Variants in ZNF217 observed in about 807,000 individuals in gnomAD.
ZNF217 encodes the protein zinc finger protein 217.
ZNF217 carries 12 observed loss-of-function variants against 73.3 expected under a neutral mutation model. The ratio of observed to expected loss-of-function variants is 0.16; its 90% CI spans 0.10 to 0.27. The LOEUF is 0.27. Among genes scored for constraint, ZNF217 ranks in the 10% least tolerant of loss-of-function variants. The probability of loss-of-function intolerance (pLI) is 1.00; values close to 1 mark genes in which losing one functional copy is unlikely to be tolerated. For synonymous variants in ZNF217, 588 were observed against 516.4 expected (o/e 1.14, Z -1.88); for missense variants, 1,195 against 1,327.8 (o/e 0.90, Z 1.55).
upstream of ZNF217, among the ~76,000 whole-genome samples, chr20:53,595,441 C>T (rs1467360843): frequency 6.6e-6 from 1 of 152,174 alleles, no homozygotes; most frequent in East Asian, 1.9e-4. Context: ...CGATCCGGAG[C>T]TGGTGAGCAA....
Position 53,581,385 on chromosome 20 carries a change from T to C in ZNF217, c.1366+76A>G, listed in dbSNP as rs1050318235. 2.9e-5 allele frequency: 44 copies of C among 1,509,622 alleles called. No individual in the cohort carries two copies. Among genetic ancestry groups the C allele is most frequent in the Non-Finnish European group, 3.9e-5 (44 of 1,133,322 alleles). 93.5% of individuals were successfully genotyped at this position (1,509,622 alleles called of 1,614,324 possible). ...ATTCCTGGCCAGCGTTGTCTGGAGA[T>C]GGGAATAGAGAGGGGGAGACGGGGA... On this transcript the variant is annotated intron_variant, in intron 2 of 5. Coordinates refer to ENST00000371471, the MANE Select transcript of ZNF217 (RefSeq NM_006526.3). This position sits in a 1 kb window ranked among gnomAD's most constrained non-coding sequence, Gnocchi z 4.9.
rs745996810 is a variant in ZNF217, at chr20:53,571,859, TG to T, written c.3038-7del. ...ATATGACACAGGCCTTTTTCCTGATTGAAAAAAAAAACATATTTAGAGTTAA... is the reference window on the plus strand; with the variant it reads ...ATATGACACAGGCCTTTTTCCTGATTAAAAAAAAAACATATTTAGAGTTAA... On this transcript the variant is annotated splice_polypyrimidine_tract_variant and splice_region_variant and intron_variant, in intron 4 of 5. Coordinates refer to ENST00000371471, the MANE Select transcript of ZNF217 (RefSeq NM_006526.3). 3 of 1,574,792 alleles carry T rather than the reference TG, an allele frequency of 1.9e-6. No homozygotes were observed. The highest frequency in any genetic ancestry group is 4.5e-5 in the East Asian group (2 of 44,254).
intron 5 of ZNF217, chr20:53,570,319 C>T (rs536166493): frequency 1.3e-5 from 2 of 152,864 alleles, no homozygotes; most frequent in East Asian, 1.9e-4. Flanking sequence ...CCAGGGAGAA[C>T]GTCATCTCAG....
chr20:53,592,808 C>G (rs1417623359), intron 1 of ZNF217, among the ~76,000 whole-genome samples: 1 of 149,762 alleles, frequency 6.7e-6, no homozygotes, highest in Admixed American at 6.6e-5. Flanking sequence ...GGTTTCACCA[C>G]TCGGCACCTC....
chr20:53,585,095 G>GAAAAAA (rs748460021), intron 1 of ZNF217, among the ~76,000 whole-genome samples: 6 of 46,952 alleles, frequency 1.3e-4, no homozygotes, highest in Non-Finnish European at 2.0e-4. Context: ...GTGAGAATTT[G>GAAAAAA]AAAAAAAAAA....
chr20:53,585,121 AAGTT>A (rs1279169472), intron 1 of ZNF217, among the ~76,000 whole-genome samples: 95 of 146,514 alleles, frequency 6.5e-4, no homozygotes, highest in East Asian at 2.2e-3. Flanking sequence ...AAAAAAAACT[AAGTT>A]AGTCCCTATG....
At position 53,571,825 on chromosome 20, in the gene ZNF217, T is replaced by C; in HGVS notation, c.3066A>G (p.Leu1022=). The change falls in exon 5 of 6, where the codon TTA becomes TTG. Residue 1022 remains leucine (L), a synonymous_variant. Coordinates refer to ENST00000371471, the MANE Select transcript of ZNF217 (RefSeq NM_006526.3). ...EGKRPVSYQH[L]SNSMAQKRNY... is the part of the protein sequence containing the mutation. ...TTCTCTTTTGTGCCATGCTGTTAGA[T>C]AAGTGTTGATATGACACAGGCCTTT... The C allele has an allele frequency of 6.2e-7, 1 of 1,612,222 alleles. No homozygotes were observed. The highest frequency in any genetic ancestry group is 8.5e-7 in the Non-Finnish European group (1 of 1,179,410).
At chr20:53,584,131 G>C (rs1988608045) in intron 1 of ZNF217, among the ~76,000 whole-genome samples, 1 of 152,076 alleles carries the variant, frequency 6.6e-6, no homozygotes, top group Non-Finnish European at 1.5e-5. Context: ...TTCACTCCTG[G>C]AGAAGAATTA....
At chr20:53,571,934 CA>C in intron 4 of ZNF217, 81 bp from the exon 5 acceptor site, 1 of 1,424,006 alleles carries the variant, frequency 7.0e-7, no homozygotes, top group Non-Finnish European at 9.3e-7. Flanking sequence ...AGTCAATTTT[CA>C]AAATTTCTGA....
chr20:53,592,173 C>T (rs759054408), intron 1 of ZNF217, among the ~76,000 whole-genome samples: 1 of 152,198 alleles, frequency 6.6e-6, no homozygotes, highest in African/African-American at 2.4e-5. Context: ...AAAAACCTAG[C>T]TACGCTGTAG....
intron 1 of ZNF217, among the ~76,000 whole-genome samples, chr20:53,588,742 T>C (rs981983583): frequency 5.3e-5 from 8 of 152,166 alleles, no homozygotes; most frequent in African/African-American, 1.9e-4. Flanking sequence ...GCTTAGGCAA[T>C]GCCTTTTAAG....
upstream of ZNF217, among the ~76,000 whole-genome samples, chr20:53,593,990 G>C (rs1287889025): frequency 6.6e-6 from 1 of 151,660 alleles, no homozygotes; most frequent in Non-Finnish European, 1.5e-5. Flanking sequence ...CGCGGGCGAG[G>C]GGTGCAGCCA....
Position 53,581,795 on chromosome 20 carries a change from G to C in ZNF217, c.1032C>G (p.Leu344=), listed in dbSNP as rs777362575. ...GTTTGCACTTCTCTTTCTCTTGCGAGAGGCCTGCACAACTGCCCTTATTTG... is the reference window on the plus strand; with the variant it reads ...GTTTGCACTTCTCTTTCTCTTGCGACAGGCCTGCACAACTGCCCTTATTTG... ...GETNKGSCAG[L]SQEKEKCKHS... is the part of the protein sequence containing the mutation. Residue 344 remains leucine, a synonymous_variant, in exon 2 of 6, where the codon CTC becomes CTG. Coordinates refer to ENST00000371471, the MANE Select transcript of ZNF217 (RefSeq NM_006526.3). This position sits in a 1 kb window ranked among gnomAD's most constrained non-coding sequence, Gnocchi z 4.9. The C allele has an allele frequency of 1.6e-5, 26 of 1,614,114 alleles. No homozygotes were observed. In the African/African-American group the frequency reaches 2.1e-4, roughly 13 times the overall value.
At chr20:53,577,410 C>CTCA (rs1424591567) in intron 3 of ZNF217, 130 bp from the exon 4 acceptor site, 1 of 799,786 alleles carries the variant, frequency 1.3e-6, no homozygotes, top group Non-Finnish European at 1.9e-6. Context: ...CATAGGATTT[C>CTCA]TCATCAGTTC....
intron 4 of ZNF217, chr20:53,574,255 ACT>A (rs1295912380): frequency 3.9e-5 from 6 of 152,170 alleles, no homozygotes; most frequent in African/African-American, 9.7e-5. Context: ...GGTTGAATCC[ACT>A]GAGGCAGAAC....
chr20:53,586,662 C>T (rs1391887120), intron 1 of ZNF217, among the ~76,000 whole-genome samples: 4 of 152,164 alleles, frequency 2.6e-5, no homozygotes, highest in Admixed American at 2.0e-4. Flanking sequence ...CCCTTAAAAC[C>T]AATTTGCTCA....
In ZNF217 at chr20:53,576,985, T is replaced by C. The variant is rs767595003; in HGVS notation, c.1779A>G (p.Ser593=). The part of the protein sequence containing the change: ...FQNVLGSAVL[S]PAHKDTQDFH... Reference sequence around the variant, plus strand: ...AATCCTGAGTATCTTTGTGTGCTGGTGAGAGGACAGCGCTGCCCAGAACAT... The same window carrying C: ...AATCCTGAGTATCTTTGTGTGCTGGCGAGAGGACAGCGCTGCCCAGAACAT... The change falls in exon 4 of 6, where the codon TCA becomes TCG. Residue 593 remains serine, a synonymous_variant. Coordinates refer to ENST00000371471, the MANE Select transcript of ZNF217 (RefSeq NM_006526.3). The C allele has an allele frequency of 2.5e-6, 4 of 1,614,182 alleles. No homozygotes were observed. Among genetic ancestry groups the C allele is most frequent in the African/African-American group, 1.3e-5 (1 of 75,046 alleles).
intron 2 of ZNF217, among the ~76,000 whole-genome samples, chr20:53,579,079 G>C (rs984819018): frequency 6.6e-6 from 1 of 152,190 alleles, no homozygotes; most frequent in Admixed American, 6.5e-5. Context: ...TCATGTGGGC[G>C]AAAGAGATCT....
At position 53,576,552 on chromosome 20, in the gene ZNF217, C is replaced by A; in HGVS notation, c.2212G>T (p.Asp738Tyr). The A allele has an allele frequency of 6.2e-7, 1 of 1,614,190 alleles. No homozygotes were observed. Among genetic ancestry groups the A allele is most frequent in the South Asian group, 1.1e-5 (1 of 91,084 alleles). Reference sequence around the variant, plus strand: ...TTGTTTCGACAGTTTTTATGAACGTCAGGATTGTATTTATGCTCCAGTCTC... The same window carrying A: ...TTGTTTCGACAGTTTTTATGAACGTAAGGATTGTATTTATGCTCCAGTCTC... ...HQRLEHKYNP[D>Y]VHKNCRNKSL... Residue 738 changes from aspartate (D) to tyrosine (Y), a missense_variant, in exon 4 of 6, where the codon GAC (aspartate) becomes TAC (tyrosine). Asp to Tyr is a radical substitution (Grantham distance 160). Transcript: ENST00000371471.
Sources: gnomAD v4.1 joint callset for allele counts (sites outside exome capture counted in the v4.1 genomes callset) on GRCh38, gnomAD v4.1.1 for gene constraint, Gnocchi (gnomAD v3.1) non-coding constraint, MANE v1.5 for transcripts, NCBI Gene and HGNC (gene_info 2026-07-23, HGNC 2026-07-21) for gene names.